The following LRRC57 variants were observed in gnomAD, a reference collection of about 807,000 sequenced individuals.
LRRC57 encodes the protein leucine rich repeat containing 57.
In LRRC57, 14 loss-of-function variants were observed where a neutral mutation model predicts 23.1. The ratio of observed to expected loss-of-function variants is 0.61; its 90% CI spans 0.40 to 0.95. The LOEUF (loss-of-function observed/expected upper bound fraction) is 0.95. Ranked by LOEUF, LRRC57 falls within the 40% of genes least tolerant of loss-of-function variation. LRRC57 has a pLI of 0.00. For synonymous variants in LRRC57, 106 were observed against 115.2 expected, an observed-to-expected ratio of 0.92 and a Z score of 0.51; for missense variants, 236 against 284.4, an observed-to-expected ratio of 0.83 and a Z score of 1.22.
chr15:42,536,064 C>T (rs771944380), downstream of LRRC57, among the ~76,000 whole-genome samples: 2 of 152,072 alleles, frequency 1.3e-5, no homozygotes, highest in Non-Finnish European at 2.9e-5. Context: ...GGTGACAGAG[C>T]GAGACCCTGT....
In LRRC57 at chr15:42,541,952, G is replaced by T. The variant is rs1486272798; in HGVS notation, c.*2131C>A. ...TTTTTTGTATTTTTAGTAGTGACAG[G>T]GTTTCACCGTGTTAGCCAGGATGGT... On this transcript the variant is annotated 3_prime_UTR_variant, in exon 6 of 6. Transcript: ENST00000397130. 6.6e-6 allele frequency: 1 copy of T among 151,680 alleles called. No individual in the cohort carries two copies. Among genetic ancestry groups the T allele is most frequent in the Non-Finnish European group, 1.5e-5 (1 of 67,964 alleles). 9.4% of individuals were successfully genotyped at this position (151,680 alleles called of 1,614,324 possible).
chr15:42,545,456 C>G (rs2057654763), intron 4 of LRRC57, 194 bp from the exon 5 acceptor site: 1 of 368,336 alleles, frequency 2.7e-6, no homozygotes, highest in East Asian at 4.0e-5. Flanking sequence ...TACGCCCCCA[C>G]TTAAAAAAAA....
intron 4 of LRRC57, 196 bp from the exon 5 acceptor site, chr15:42,545,458 TA>T (rs1007291866): frequency 2.0e-4 from 74 of 363,282 alleles, no homozygotes; most frequent in Middle Eastern, 7.1e-4. Context: ...CGCCCCCACT[TA>T]AAAAAAATGC....
Position 42,548,779 on chromosome 15 carries a change from G to A in LRRC57, c.-109C>T, listed in dbSNP as rs1298255971. On this transcript the variant is annotated 5_prime_UTR_variant, in exon 1 of 6. Coordinates refer to ENST00000397130, the MANE Select transcript of LRRC57 (RefSeq NM_153260.3). Reference sequence around the variant, plus strand: ...GATGCGCTCCCCGGCTTAGTCCCGGGCGGGAACGCCCTGTGACGTCATCGA... The same window carrying A: ...GATGCGCTCCCCGGCTTAGTCCCGGACGGGAACGCCCTGTGACGTCATCGA... 2.2e-6 allele frequency: 2 copies of A among 904,886 alleles called. No individual in the cohort carries two copies. The highest frequency in any genetic ancestry group is 3.4e-6 in the Non-Finnish European group (2 of 590,612). 56.1% of individuals were successfully genotyped at this position (904,886 alleles called of 1,614,324 possible). A position where few individuals can be genotyped will look rare whatever the true frequency, so the allele number is the denominator to read the frequency against.
At chr15:42,536,261 G>T (rs1419574909), downstream of LRRC57, among the ~76,000 whole-genome samples, 1 of 152,228 alleles carries the variant, frequency 6.6e-6, no homozygotes, top group African/African-American at 2.4e-5. Context: ...TGATAGACTT[G>T]CTCGATGTAG....
chr15:42,532,348 G>T, the LRRC57 span: 1 of 152,214 alleles, frequency 6.6e-6, no homozygotes, highest in South Asian at 2.1e-4. Flanking sequence ...GCCTCCCAAA[G>T]TACTGGGATT....
At chr15:42,544,754 C>A (rs2057647891) in intron 5 of LRRC57, among the ~76,000 whole-genome samples, 1 of 148,880 alleles carries the variant, frequency 6.7e-6, no homozygotes, top group Admixed American at 6.7e-5. Context: ...GTGAAGGCTG[C>A]GCCAGTGAGC....
At chr15:42,534,665 C>T (rs2057591467), downstream of LRRC57, among the ~76,000 whole-genome samples, 2 of 152,148 alleles carry the variant, frequency 1.3e-5, no homozygotes, top group Admixed American at 1.3e-4. Flanking sequence ...GCTGAAATGA[C>T]TCTTTGATCC....
the LRRC57 span, chr15:42,529,714 C>G: frequency 3.7e-6 from 6 of 1,614,002 alleles, no homozygotes; most frequent in Non-Finnish European, 5.1e-6. Flanking sequence ...TGGAAGAGAA[C>G]CTGACTCAAG....
Position 42,548,189 on chromosome 15 carries a change from T to C in LRRC57, c.140A>G (p.Asn47Ser), listed in dbSNP as rs1158363736. 1.2e-6 allele frequency: 2 copies of C among 1,614,106 alleles called. No homozygotes were observed. Among genetic ancestry groups the C allele is most frequent in the Non-Finnish European group, 1.7e-6 (2 of 1,180,044 alleles). ...AGGCGGTAGGCTTTCGATCTTGTTG[T>C]TGGACAAGTCGATGGTCCTGAGATT... ...TSNLRTIDLS[N>S]NKIESLPPLL... The change falls in exon 3 of 6, where the codon AAC becomes AGC. Residue 47 changes from asparagine (N) to serine (S), a missense_variant. Transcript: ENST00000397130.
chr15:42,543,463 G>A lies in LRRC57; in HGVS notation c.*620C>T, dbSNP rs183910835. 4 of 152,374 alleles carry A rather than the reference G, an allele frequency of 2.6e-5. No homozygotes were observed. Among genetic ancestry groups the A allele is most frequent in the African/African-American group, 9.6e-5 (4 of 41,580 alleles). The allele number at this position is 152,374 out of a possible 1,614,324, so 9.4% of individuals were successfully genotyped here. On this transcript the variant is annotated 3_prime_UTR_variant, in exon 6 of 6. Coordinates refer to ENST00000397130, the MANE Select transcript of LRRC57 (RefSeq NM_153260.3). ...GAGCCACCCGCCTTGGCCTCCCAAAGTGCTGGGATTATAGGCATGAGCCAC... is the reference window on the plus strand; with the variant it reads ...GAGCCACCCGCCTTGGCCTCCCAAAATGCTGGGATTATAGGCATGAGCCAC...
chr15:42,543,728 T>C lies in LRRC57; in HGVS notation c.*355A>G, dbSNP rs1390397960. The C allele has an allele frequency of 4.8e-6, 1 of 208,506 alleles. No homozygotes were observed. Among genetic ancestry groups the C allele is most frequent in the East Asian group, 1.1e-4 (1 of 9,294 alleles). The allele number at this position is 208,506 out of a possible 1,614,324, so 12.9% of individuals were successfully genotyped here. ...TCACACAGTGAAACTAAACAAAATCTCAAGCTGTGGTGTGGAGCTATTCTG... is the reference window on the plus strand; with the variant it reads ...TCACACAGTGAAACTAAACAAAATCCCAAGCTGTGGTGTGGAGCTATTCTG... On this transcript the variant is annotated 3_prime_UTR_variant, in exon 6 of 6. Coordinates refer to ENST00000397130, the MANE Select transcript of LRRC57 (RefSeq NM_153260.3).
Position 42,548,460 on chromosome 15 carries a change from C to G in LRRC57, c.-22-4G>C, listed in dbSNP as rs773143502. On this transcript the variant is annotated splice_polypyrimidine_tract_variant and splice_region_variant and intron_variant, in intron 1 of 5. Coordinates refer to ENST00000397130, the MANE Select transcript of LRRC57 (RefSeq NM_153260.3). ...CCTAGCGCCGCGGCTCAGGTCCCTG[C>G]GGGAAGGAAGCGCTGCTGTCACCGC... The G allele has an allele frequency of 1.2e-6, 2 of 1,610,716 alleles. No individual in the cohort carries two copies. Among genetic ancestry groups the G allele is most frequent in the Non-Finnish European group, 1.7e-6 (2 of 1,179,248 alleles).
In LRRC57 at chr15:42,543,495, C is replaced by G. The variant is rs2057641637; in HGVS notation, c.*588G>C. The G allele has an allele frequency of 6.6e-6, 1 of 152,274 alleles. No homozygotes were observed. Among genetic ancestry groups the G allele is most frequent in the Non-Finnish European group, 1.5e-5 (1 of 68,096 alleles). 9.4% of individuals were successfully genotyped at this position (152,274 alleles called of 1,614,324 possible). On this transcript the variant is annotated 3_prime_UTR_variant, in exon 6 of 6. Coordinates refer to ENST00000397130, the MANE Select transcript of LRRC57 (RefSeq NM_153260.3). Reference sequence around the variant, plus strand: ...GATTATAGGCATGAGCCACCATGCCCAGGCCAAAGTGCACTTTTAATCAAG... The same window carrying G: ...GATTATAGGCATGAGCCACCATGCCGAGGCCAAAGTGCACTTTTAATCAAG...
At chr15:42,535,512 C>A (rs1029492247), downstream of LRRC57, among the ~76,000 whole-genome samples, 3 of 150,186 alleles carry the variant, frequency 2.0e-5, no homozygotes, top group Non-Finnish European at 4.4e-5. Context: ...ATGGTGCGAT[C>A]TCAGCTCACT....
At chr15:42,528,609 A>G in the LRRC57 span, among the ~76,000 whole-genome samples, 2 of 152,298 alleles carry the variant, frequency 1.3e-5, no homozygotes, top group Non-Finnish European at 2.9e-5. Flanking sequence ...GTTTTGAGAC[A>G]GAGTCTTGCT....
In LRRC57 at chr15:42,544,105, G is replaced by A; in HGVS notation, c.698C>T (p.Ala233Val). The A allele has an allele frequency of 6.2e-7, 1 of 1,612,796 alleles. No individual in the cohort carries two copies. The highest frequency in any genetic ancestry group is 8.5e-7 in the Non-Finnish European group (1 of 1,179,206). ...ACTTCACGCAAACTTCTTCTTGGTGGCTGTGAACCTCTCCATGTACTAAAA... is the reference window on the plus strand; with the variant it reads ...ACTTCACGCAAACTTCTTCTTGGTGACTGTGAACCTCTCCATGTACTAAAA... Reference protein sequence around the residue: ...GYDKYMERFTATKKKFA With the variant: ...GYDKYMERFTVTKKKFA Residue 233 changes from alanine (A) to valine (V), a missense_variant, in exon 6 of 6, where the codon GCC becomes GTC. Physicochemically the swap from Ala to Val is moderately conservative, Grantham distance 64 (BLOSUM62 0). Coordinates refer to ENST00000397130, the MANE Select transcript of LRRC57 (RefSeq NM_153260.3).
intron 5 of LRRC57, among the ~76,000 whole-genome samples, chr15:42,544,832 C>T (rs1322060741): frequency 2.9e-5 from 3 of 103,238 alleles, no homozygotes; most frequent in African/African-American, 7.1e-5. Flanking sequence ...CACACACACA[C>T]ACACACACAC....
rs1370557499 is a variant in LRRC57, at chr15:42,538,141, A to G, written c.*5942T>C. 1 of 152,210 alleles carries G rather than the reference A, an allele frequency of 6.6e-6. No homozygotes were observed. The highest frequency in any genetic ancestry group is 1.9e-4 in the East Asian group (1 of 5,196). 9.4% of individuals were successfully genotyped at this position (152,210 alleles called of 1,614,324 possible). A position where few individuals can be genotyped will look rare whatever the true frequency, so the allele number is the denominator to read the frequency against. Reference sequence around the variant, plus strand: ...ATTATACATTCTATGCATGTCTCAGAATATCACAAGTACCCCATAAATATG... The same window carrying G: ...ATTATACATTCTATGCATGTCTCAGGATATCACAAGTACCCCATAAATATG... On this transcript the variant is annotated 3_prime_UTR_variant, in exon 6 of 6. Transcript: ENST00000397130.
Sources: gnomAD v4.1 joint callset for allele counts (sites outside exome capture counted in the v4.1 genomes callset) on GRCh38, gnomAD v4.1.1 for gene constraint, MANE v1.5 for transcripts, NCBI Gene and HGNC (gene_info 2026-07-23, HGNC 2026-07-21) for gene names.